VTCN1: variants seen among roughly 807,000 people sequenced by gnomAD.
VTCN1 encodes V-set domain containing T cell activation inhibitor 1.
VTCN1 carries 26 observed loss-of-function variants against 26.5 expected under a neutral mutation model. The observed-to-expected ratio is 0.98, with a 90% CI of 0.72 to 1.36. The LOEUF (loss-of-function observed/expected upper bound fraction) is 1.36, where lower values mean the gene tolerates loss of function less well. VTCN1 is among the 40% of genes most tolerant of loss of function. The probability of loss-of-function intolerance (pLI) is 0.00; values close to 1 mark genes in which losing one functional copy is unlikely to be tolerated. For synonymous variants in VTCN1, 116 were observed against 130.7 expected (o/e 0.89, Z 0.77); for missense variants, 298 against 337.7 (o/e 0.88, Z 0.92).
chr1:117,190,278 T>G (rs73010052), intron 1 of VTCN1, among the ~76,000 whole-genome samples: 5,070 of 152,264 alleles, frequency 0.033, 263 homozygotes, highest in African/African-American at 0.11. Flanking sequence ...ATGACCTACC[T>G]TCAGCATTTT....
At chr1:117,197,351 A>G (rs1437293247) in intron 1 of VTCN1, among the ~76,000 whole-genome samples, 2 of 152,156 alleles carry the variant, frequency 1.3e-5, no homozygotes, top group Non-Finnish European at 2.9e-5. Context: ...CTCAGGATAT[A>G]TTATTAGGAT....
intron 1 of VTCN1, chr1:117,203,871 TG>T (rs1049521064): frequency 1.3e-5 from 10 of 782,428 alleles, no homozygotes; most frequent in African/African-American, 3.8e-5. Context: ...CTTTGCAGGA[TG>T]GGGGGAATGA....
At chr1:117,206,569 A>G (rs1649082682) in intron 1 of VTCN1, among the ~76,000 whole-genome samples, 1 of 152,206 alleles carries the variant, frequency 6.6e-6, no homozygotes, top group South Asian at 2.1e-4. Flanking sequence ...GCACAGCCAT[A>G]GTGCTACATT....
intron 4 of VTCN1, among the ~76,000 whole-genome samples, chr1:117,148,701 T>C (rs1651641470): frequency 6.6e-6 from 1 of 152,132 alleles, no homozygotes; most frequent in East Asian, 1.9e-4. Context: ...AACAGCCTCT[T>C]CCCCAGCTTA....
intron 1 of VTCN1, among the ~76,000 whole-genome samples, chr1:117,188,316 T>C (rs560703729): frequency 6.6e-6 from 1 of 152,212 alleles, no homozygotes; most frequent in East Asian, 1.9e-4. Flanking sequence ...AAGGAATGTG[T>C]ACCCTTCCAG....
At position 117,183,537 on chromosome 1, in the gene VTCN1, G is replaced by T. The variant is rs1227767583; in HGVS notation, c.33-13366C>A. 2.6e-5 allele frequency among the ~76,000 whole-genome samples: 4 copies of T among 152,180 alleles called. No homozygotes were observed. The highest frequency in any genetic ancestry group is 5.9e-5 in the Non-Finnish European group (4 of 68,036). The stretch of plus-strand genomic sequence containing the variant: ...ATAAATTGTAACAAAATGCCTTGGA[G>T]GGTTGTACATGGAAGACCTGGTTGG... On this transcript the variant is annotated intron_variant, in intron 1 of 5. Coordinates refer to ENST00000369458, the MANE Select transcript of VTCN1 (RefSeq NM_024626.4). This position sits in a 1 kb window ranked among gnomAD's most constrained non-coding sequence, Gnocchi z 4.1.
intron 1 of VTCN1, among the ~76,000 whole-genome samples, chr1:117,192,446 A>G (rs1427605275): frequency 1.3e-5 from 2 of 152,242 alleles, no homozygotes; most frequent in Non-Finnish European, 2.9e-5. Flanking sequence ...ATGAAAGCAT[A>G]TAAAAGTATA....
At chr1:117,154,973 T>G (rs1054545869) in intron 3 of VTCN1, among the ~76,000 whole-genome samples, 1 of 152,160 alleles carries the variant, frequency 6.6e-6, no homozygotes, top group Non-Finnish European at 1.5e-5. Flanking sequence ...TTGCTTGAGT[T>G]TCTTCTAGTC....
intron 1 of VTCN1, among the ~76,000 whole-genome samples, chr1:117,196,261 G>A (rs943611150): frequency 9.9e-5 from 15 of 152,000 alleles, no homozygotes; most frequent in Admixed American, 9.2e-4. Flanking sequence ...CATCATTAGC[G>A]GCAATACTAT....
chr1:117,203,809 G>A, intron 1 of VTCN1: 2 of 985,094 alleles, frequency 2.0e-6, no homozygotes, highest in Non-Finnish European at 2.4e-6. Context: ...GAATCACCTG[G>A]AGGTCTTGTT....
Position 117,144,225 on chromosome 1 carries a change from C to A in VTCN1, c.*1046G>T, listed in dbSNP as rs1249270847. 2 of 152,234 alleles carry A rather than the reference C, an allele frequency of 1.3e-5. No individual in the cohort carries two copies. Among genetic ancestry groups the A allele is most frequent in the East Asian group, 3.8e-4 (2 of 5,202 alleles). 9.4% of individuals were successfully genotyped at this position (152,234 alleles called of 1,614,324 possible). On this transcript the variant is annotated 3_prime_UTR_variant, in exon 6 of 6. Transcript: ENST00000369458. ...CTTAGCCCTGACACAGTTGACACTT[C>A]GGATTGGGTAGTTGTAATGGGGAGA... is the stretch of plus-strand genomic sequence containing the variant.
Position 117,169,256 on chromosome 1 carries a change from G to A in VTCN1, c.97+851C>T, listed in dbSNP as rs532340918. Among the ~76,000 whole-genome samples, 7 of 152,312 alleles carry A rather than the reference G, an allele frequency of 4.6e-5. No homozygotes were observed. The highest frequency in any genetic ancestry group is 8.8e-5 in the Non-Finnish European group (6 of 68,024). Reference sequence around the variant, plus strand: ...GGCCTATGCAGAAGAGGAAAGTGAAGAGACTCTTCTGCAACTGACATTGGC... The same window carrying A: ...GGCCTATGCAGAAGAGGAAAGTGAAAAGACTCTTCTGCAACTGACATTGGC... On this transcript the variant is annotated intron_variant, in intron 2 of 5. Coordinates refer to ENST00000369458, the MANE Select transcript of VTCN1 (RefSeq NM_024626.4). This position sits in a 1 kb window ranked among gnomAD's most constrained non-coding sequence, Gnocchi z 4.0.
In VTCN1 at chr1:117,169,858, G is replaced by A. The variant is rs2101517337; in HGVS notation, c.97+249C>T. Reference sequence around the variant, plus strand: ...TGCAGTAAGCTGAGATCATGCCACTGCACTCCAACCTGGGCAACAGAGCCA... The same window carrying A: ...TGCAGTAAGCTGAGATCATGCCACTACACTCCAACCTGGGCAACAGAGCCA... On this transcript the variant is annotated intron_variant, in intron 2 of 5. Transcript: ENST00000369458. The surrounding 1 kb of genome is among the most constrained non-coding windows in gnomAD (Gnocchi z 4.0). 6.6e-6 allele frequency among the ~76,000 whole-genome samples: 1 copy of A among 152,230 alleles called. No individual in the cohort carries two copies. Among genetic ancestry groups the A allele is most frequent in the Middle Eastern group, 3.4e-3 (1 of 294 alleles).
chr1:117,182,323 T>G (rs1408154543), intron 1 of VTCN1, among the ~76,000 whole-genome samples: 1 of 152,202 alleles, frequency 6.6e-6, no homozygotes, highest in Non-Finnish European at 1.5e-5. Context: ...TTCCAAAAGA[T>G]CTACCAGGAG....
At chr1:117,163,373 A>G (rs1652466499) in intron 2 of VTCN1, among the ~76,000 whole-genome samples, 2 of 152,190 alleles carry the variant, frequency 1.3e-5, no homozygotes, top group African/African-American at 2.4e-5. Flanking sequence ...AGGGTTCCTG[A>G]AAGGACTTAA....
chr1:117,184,925 G>A, intron 1 of VTCN1, among the ~76,000 whole-genome samples: 1 of 152,160 alleles, frequency 6.6e-6, no homozygotes, highest in East Asian at 1.9e-4. Context: ...AGGCCTGGAA[G>A]CAATGCCCAG....
intron 1 of VTCN1, among the ~76,000 whole-genome samples, chr1:117,171,243 C>T (rs1395644948): frequency 1.3e-5 from 2 of 152,142 alleles, no homozygotes; most frequent in Non-Finnish European, 2.9e-5. Context: ...TTTCTTTATC[C>T]AGCCTATCAT....
At chr1:117,210,212 T>TCAGCAGCAGCAGCAGCAGCAGCAGCAG (rs71582595) in intron 1 of VTCN1, among the ~76,000 whole-genome samples, 6 of 150,238 alleles carry the variant, frequency 4.0e-5, no homozygotes, top group East Asian at 2.0e-4. Context: ...TCTGGGGAGT[T>TCAGCAGCAGCAGCAGCAGCAGCAGCAG]CAGCAGCAGC....
intron 4 of VTCN1, among the ~76,000 whole-genome samples, chr1:117,149,973 G>C (rs1482943165): frequency 6.6e-6 from 1 of 152,180 alleles, no homozygotes. Context: ...AGACAGATCT[G>C]TTAATTGAAT....
Sources: gnomAD v4.1 joint callset for allele counts (sites outside exome capture counted in the v4.1 genomes callset) on GRCh38, gnomAD v4.1.1 for gene constraint, Gnocchi (gnomAD v3.1) non-coding constraint, MANE v1.5 for transcripts, NCBI Gene and HGNC (gene_info 2026-07-23, HGNC 2026-07-21) for gene names.